The following ARHGAP6 variants were observed in gnomAD, a reference collection of about 807,000 sequenced individuals.
ARHGAP6 encodes rho GTPase-activating protein 6.
In ARHGAP6, 16 loss-of-function variants were observed where a neutral mutation model predicts 55.7. That is an observed-to-expected ratio of 0.29 (90% CI 0.19 to 0.44). The LOEUF is 0.44. Ranked by LOEUF, ARHGAP6 falls within the 20% of genes least tolerant of loss-of-function variation. ARHGAP6 has a pLI of 1.00. For synonymous variants in ARHGAP6, 382 were observed against 360.9 expected (o/e 1.06, Z -0.66); for missense variants, 698 against 808.9 (o/e 0.86, Z 1.66).
At chrX:11,286,451 G>A (rs1236163106) in intron 1 of ARHGAP6, among the ~76,000 whole-genome samples, 1 of 111,246 alleles carries the variant, frequency 9.0e-6, no homozygotes, top group Non-Finnish European at 1.9e-5. Context: ...GGAACTTGGG[G>A]TACAAACTTT....
At chrX:11,449,107 C>T (rs2050120515) in intron 1 of ARHGAP6, among the ~76,000 whole-genome samples, 1 of 111,456 alleles carries the variant, frequency 9.0e-6, no homozygotes, top group Admixed American at 9.5e-5. Context: ...TTGTCACTGC[C>T]AGCTGAGACA....
intron 1 of ARHGAP6, chrX:11,335,869 C>A: frequency 5.0e-6 from 1 of 198,573 alleles, no homozygotes; most frequent in Non-Finnish European, 9.3e-6. Context: ...TGGCAGCGAT[C>A]CCCTAGAGGA....
At chrX:11,232,612 G>A (rs908959744) in intron 2 of ARHGAP6, among the ~76,000 whole-genome samples, 27 of 111,415 alleles carry the variant, frequency 2.4e-4, no homozygotes, top group African/African-American at 7.5e-4. Flanking sequence ...CAGCCTGGGC[G>A]ACAGAGGGAG....
rs185833986 is a variant in ARHGAP6, at chrX:11,627,911, C to T, written c.588+36330G>A. Among the ~76,000 whole-genome samples the T allele has an allele frequency of 2.4e-3, 266 of 111,860 alleles. 1 individual carries two copies. Among genetic ancestry groups the T allele is most frequent in the Middle Eastern group, 0.014 (3 of 216 alleles). Reference sequence around the variant, plus strand: ...AACCTTCAAGCCTTCAGGTAGTGTACACTATTCAGAATAAAACTACTGTTT... The same window carrying T: ...AACCTTCAAGCCTTCAGGTAGTGTATACTATTCAGAATAAAACTACTGTTT... On this transcript the variant is annotated intron_variant, in intron 1 of 12. Coordinates refer to ENST00000337414, the MANE Select transcript of ARHGAP6 (RefSeq NM_013427.3).
intron 1 of ARHGAP6, among the ~76,000 whole-genome samples, chrX:11,509,901 C>T (rs2050768635): frequency 8.9e-6 from 1 of 111,736 alleles, no homozygotes; most frequent in Non-Finnish European, 1.9e-5. Flanking sequence ...GTTTCATAGG[C>T]CCCACTTCCA....
intron 1 of ARHGAP6, among the ~76,000 whole-genome samples, chrX:11,325,914 A>G (rs2048491333): frequency 9.0e-6 from 1 of 111,139 alleles, no homozygotes; most frequent in Non-Finnish European, 1.9e-5. Flanking sequence ...ACATTCTGCA[A>G]TGCACAGGAC....
At chrX:11,566,165 T>C (rs758185553) in intron 1 of ARHGAP6, among the ~76,000 whole-genome samples, 171 of 112,210 alleles carry the variant, frequency 1.5e-3, no homozygotes, top group Non-Finnish European at 2.9e-3. Context: ...ATAGTGTTCA[T>C]GGTGCTGATA....
chrX:11,545,308 CT>C (rs2051201172), intron 1 of ARHGAP6, among the ~76,000 whole-genome samples: 1 of 112,345 alleles, frequency 8.9e-6, no homozygotes, highest in South Asian at 3.7e-4. Context: ...TATTGTGCTT[CT>C]TATTTGCAAA....
Position 11,347,871 on chromosome X carries a change from A to G in ARHGAP6, c.589-93164T>C, listed in dbSNP as rs564473595. 5.6e-3 allele frequency among the ~76,000 whole-genome samples: 427 copies of G among 76,794 alleles called. 1 individual carries two copies. The highest frequency in any genetic ancestry group is 0.026 in the South Asian group (30 of 1,151). 66.7% of individuals were successfully genotyped at this position (76,794 alleles called of 115,157 possible). A position where few individuals can be genotyped will look rare whatever the true frequency, so the allele number is the denominator to read the frequency against. ...AGTGAATCCAGATTAAATGAGCTAC[A>G]ATCCTGTGATAGGTCCCCATAGCCC... is the stretch of plus-strand genomic sequence containing the variant. On this transcript the variant is annotated intron_variant, in intron 1 of 12. Transcript: ENST00000337414.
At chrX:11,360,916 G>A (rs1325997847) in intron 1 of ARHGAP6, among the ~76,000 whole-genome samples, 1 of 110,888 alleles carries the variant, frequency 9.0e-6, no homozygotes, top group South Asian at 3.8e-4. Context: ...GCTTCAAAGA[G>A]AATAAAATAC....
intron 1 of ARHGAP6, among the ~76,000 whole-genome samples, chrX:11,403,496 A>C (rs2147755116): frequency 8.9e-6 from 1 of 112,483 alleles, no homozygotes; most frequent in Admixed American, 9.4e-5. Flanking sequence ...TATTAAAATA[A>C]TATTTCAGAT....
chrX:11,303,274 C>T (rs898833755), intron 1 of ARHGAP6, among the ~76,000 whole-genome samples: 2 of 112,368 alleles, frequency 1.8e-5, no homozygotes, highest in Non-Finnish European at 3.8e-5. Context: ...GATCTGGAGC[C>T]TTAACAGCAA....
chrX:11,221,861 G>C (rs1276087881), intron 2 of ARHGAP6, among the ~76,000 whole-genome samples: 1 of 110,826 alleles, frequency 9.0e-6, no homozygotes, highest in Non-Finnish European at 1.9e-5. Flanking sequence ...CTGATGGGTG[G>C]TTTTCGATCC....
At chrX:11,228,424 C>T (rs112120386) in intron 2 of ARHGAP6, among the ~76,000 whole-genome samples, 2 of 110,949 alleles carry the variant, frequency 1.8e-5, no homozygotes, top group African/African-American at 6.6e-5. Context: ...AAGCTGTTTC[C>T]TTTGACATCT....
chrX:11,150,251 G>T (rs1443656466), intron 10 of ARHGAP6, among the ~76,000 whole-genome samples: 1 of 111,637 alleles, frequency 9.0e-6, no homozygotes, highest in Non-Finnish European at 1.9e-5. Context: ...GCTGAAACTA[G>T]TTACTGTGTC....
intron 1 of ARHGAP6, among the ~76,000 whole-genome samples, chrX:11,542,776 A>T (rs947795190): frequency 6.3e-5 from 7 of 111,900 alleles, no homozygotes; most frequent in African/African-American, 2.3e-4. Flanking sequence ...CTTCCACCCC[A>T]AGAACACACA....
At chrX:11,187,671 G>C (rs1259481977) in intron 4 of ARHGAP6, among the ~76,000 whole-genome samples, 2 of 111,884 alleles carry the variant, frequency 1.8e-5, no homozygotes. Flanking sequence ...GTTTTAAGTG[G>C]GAAGTGTCTG....
intron 1 of ARHGAP6, among the ~76,000 whole-genome samples, chrX:11,526,246 AG>A (rs1020910414): frequency 3.6e-5 from 4 of 111,248 alleles, no homozygotes; most frequent in African/African-American, 1.3e-4. Flanking sequence ...GATTGGGTAA[AG>A]CTTCACTCTG....
intron 1 of ARHGAP6, among the ~76,000 whole-genome samples, chrX:11,498,037 T>C (rs2050641312): frequency 8.9e-6 from 1 of 112,051 alleles, no homozygotes; most frequent in African/African-American, 3.2e-5. Flanking sequence ...AATTTCAATA[T>C]ATAAATTATA....
Sources: gnomAD v4.1 joint callset for allele counts (sites outside exome capture counted in the v4.1 genomes callset) on GRCh38, gnomAD v4.1.1 for gene constraint, MANE v1.5 for transcripts, NCBI Gene and HGNC (gene_info 2026-07-23, HGNC 2026-07-21) for gene names.